The following DPP10 variants were observed in gnomAD, a reference collection of about 807,000 sequenced individuals.
The protein encoded by DPP10 is dipeptidyl peptidase like 10, also known as inactive dipeptidyl peptidase 10.
A neutral mutation model predicts 120.9 loss-of-function variants in DPP10; 33 were observed. That is an observed-to-expected ratio of 0.27 (90% CI 0.21 to 0.37). DPP10 has a LOEUF of 0.37. Ranked by LOEUF, DPP10 falls within the 10% of genes least tolerant of loss-of-function variation. The pLI is 1.00. For synonymous variants in DPP10, 337 were observed against 326.1 expected, an observed-to-expected ratio of 1.03 and a Z score of -0.36; for missense variants, 816 against 942.8, an observed-to-expected ratio of 0.87 and a Z score of 1.76.
intron 1 of DPP10, among the ~76,000 whole-genome samples, chr2:114,811,921 G>A (rs762518636): frequency 2.2e-4 from 33 of 152,128 alleles, no homozygotes; most frequent in Non-Finnish European, 4.4e-4. Context: ...CTCTCAATAG[G>A]AGAGGCTGTC....
intron 4 of DPP10, among the ~76,000 whole-genome samples, chr2:115,524,127 C>T (rs1159958408): frequency 2.0e-5 from 3 of 152,026 alleles, no homozygotes; most frequent in Non-Finnish European, 2.9e-5. Context: ...ATTGAGTGCT[C>T]TACAATTCAA....
intron 1 of DPP10, among the ~76,000 whole-genome samples, chr2:114,758,132 T>C (rs1679959003): frequency 6.6e-6 from 1 of 152,218 alleles, no homozygotes; most frequent in Non-Finnish European, 1.5e-5. Flanking sequence ...CTTTTGCTAA[T>C]TCACACAATC....
chr2:115,104,574 G>T (rs561658196), intron 1 of DPP10, among the ~76,000 whole-genome samples: 1 of 152,146 alleles, frequency 6.6e-6, no homozygotes, highest in East Asian at 1.9e-4. Context: ...TTTCATCCCT[G>T]TTTTTTGTAA....
chr2:114,899,878 T>A (rs550209687), intron 1 of DPP10, among the ~76,000 whole-genome samples: 1 of 152,184 alleles, frequency 6.6e-6, no homozygotes, highest in South Asian at 2.1e-4. Context: ...GAGAATGGCG[T>A]GAACCCGGGA....
chr2:115,382,205 G>T (rs907110149), intron 3 of DPP10, among the ~76,000 whole-genome samples: 4 of 152,118 alleles, frequency 2.6e-5, no homozygotes, highest in East Asian at 1.9e-4. Context: ...CTATCAATCA[G>T]CGAGACTCTG....
intron 1 of DPP10, among the ~76,000 whole-genome samples, chr2:114,629,675 T>G (rs1028814579): frequency 2.6e-5 from 4 of 152,196 alleles, no homozygotes; most frequent in Non-Finnish European, 5.9e-5. Flanking sequence ...TGCAGAGGTG[T>G]TGCTAATTGG....
At chr2:115,523,765 A>G (rs538339389) in intron 4 of DPP10, among the ~76,000 whole-genome samples, 56 of 152,300 alleles carry the variant, frequency 3.7e-4, no homozygotes, top group African/African-American at 1.3e-3. Context: ...AGGTCGTATC[A>G]TAGTATTGCC....
chr2:115,836,087 TTGTG>T, intron 21 of DPP10, 66 bp from the exon 22 acceptor site: 1 of 796,868 alleles, frequency 1.3e-6, no homozygotes. Context: ...ATATATAAAT[TTGTG>T]TGTGTGTATG....
At chr2:114,745,770 C>T (rs1678521990) in intron 1 of DPP10, among the ~76,000 whole-genome samples, 1 of 152,120 alleles carries the variant, frequency 6.6e-6, no homozygotes, top group Non-Finnish European at 1.5e-5. Context: ...AGAGAAGGGG[C>T]TTCTCTTTAA....
chr2:115,472,093 G>A (rs986820343), intron 3 of DPP10, among the ~76,000 whole-genome samples: 2 of 151,974 alleles, frequency 1.3e-5, no homozygotes, highest in African/African-American at 2.4e-5. Context: ...TCCTGGCTGT[G>A]TTGTGCAATC....
intron 21 of DPP10, among the ~76,000 whole-genome samples, chr2:115,818,967 A>C (rs1024518424): frequency 4.6e-5 from 7 of 152,194 alleles, no homozygotes; most frequent in African/African-American, 1.4e-4. Flanking sequence ...TTATAAATTA[A>C]AAGTTGACTT....
intron 1 of DPP10, among the ~76,000 whole-genome samples, chr2:114,773,128 C>CTG (rs1359226642): frequency 3.9e-5 from 6 of 152,128 alleles, no homozygotes; most frequent in Non-Finnish European, 8.8e-5. Flanking sequence ...TGACTACATG[C>CTG]TGTGTTATTT....
chr2:114,532,256 CATATATATATATATATATATATATATAT>C (rs66716319), intron 1 of DPP10, among the ~76,000 whole-genome samples: 9 of 86,298 alleles, frequency 1.0e-4, no homozygotes, highest in South Asian at 3.2e-4. Context: ...AATAAATCTC[CATATATATATATATATATATATATATAT>C]ATATATATAT....
chr2:114,633,548 C>T (rs886839795), intron 1 of DPP10, among the ~76,000 whole-genome samples: 1 of 151,636 alleles, frequency 6.6e-6, no homozygotes, highest in African/African-American at 2.4e-5. Flanking sequence ...GCCACCGCAC[C>T]TGGCCAGCTG....
intron 1 of DPP10, among the ~76,000 whole-genome samples, chr2:115,094,368 C>A (rs1384881959): frequency 6.6e-6 from 1 of 152,014 alleles, no homozygotes; most frequent in Admixed American, 6.6e-5. Context: ...AATATCTGGA[C>A]TGAGGTATAT....
At chr2:115,728,581 C>A (rs1353429591) in intron 8 of DPP10, among the ~76,000 whole-genome samples, 1 of 152,132 alleles carries the variant, frequency 6.6e-6, no homozygotes, top group East Asian at 1.9e-4. Flanking sequence ...TCAGATTCTT[C>A]AGCTGATTTT....
At position 115,241,129 on chromosome 2, in the gene DPP10, C is replaced by T. The variant is rs554005502; in HGVS notation, c.61-68110C>T. On this transcript the variant is annotated intron_variant, in intron 1 of 25. Transcript: ENST00000410059. ...ACTAAAAATACAAAAATTAGCTGGG[C>T]GTGGTGGCAGGCACCTGTAATTCCA... is the stretch of plus-strand genomic sequence containing the variant. Among the ~76,000 whole-genome samples, 6 of 152,204 alleles carry T rather than the reference C, an allele frequency of 3.9e-5. No individual in the cohort carries two copies. In the South Asian group the frequency reaches 8.3e-4, roughly 21 times the overall value.
At chr2:114,520,494 T>G (rs887521396) in intron 1 of DPP10, among the ~76,000 whole-genome samples, 40 of 152,166 alleles carry the variant, frequency 2.6e-4, no homozygotes, top group African/African-American at 8.7e-4. Flanking sequence ...AGCATATATA[T>G]CTCTTCATTA....
chr2:114,767,965 T>A (rs1212574574), intron 1 of DPP10, among the ~76,000 whole-genome samples: 1 of 151,752 alleles, frequency 6.6e-6, no homozygotes, highest in Non-Finnish European at 1.5e-5. Context: ...CCATCTCTAC[T>A]AAACATAGAA....
Sources: allele counts gnomAD v4.1 joint callset (sites outside exome capture counted in the v4.1 genomes callset), GRCh38; gene constraint gnomAD v4.1.1; transcripts MANE v1.5; gene names NCBI Gene and HGNC (gene_info 2026-07-23, HGNC 2026-07-21).